Variants in OTUB2 observed in about 807,000 individuals in gnomAD.
OTUB2 encodes OTU deubiquitinase, ubiquitin aldehyde binding 2, also known as ubiquitin thioesterase OTUB2.
Under a neutral mutation model 25.1 loss-of-function variants are expected in OTUB2, and 21 were observed. That is an observed-to-expected ratio of 0.84 (90% CI 0.59 to 1.21). OTUB2 has a LOEUF of 1.21. Among genes scored for constraint, OTUB2 ranks in the 50% most tolerant of loss-of-function variants. OTUB2 has a pLI of 0.00. For synonymous variants in OTUB2, 122 were observed against 122.8 expected, an observed-to-expected ratio of 0.99 and a Z score of 0.04; for missense variants, 283 against 298.0, an observed-to-expected ratio of 0.95 and a Z score of 0.37.
chr14:94,044,163 C>A, intron 4 of OTUB2, 108 bp downstream of exon 4: 1 of 1,138,370 alleles, frequency 8.8e-7, no homozygotes, highest in African/African-American at 1.5e-5. Flanking sequence ...TGGGGAAGGA[C>A]AGAGGGTTCC....
In OTUB2 at chr14:94,045,707, C is replaced by A; in HGVS notation, c.499-9C>A. On this transcript the variant is annotated splice_polypyrimidine_tract_variant and intron_variant, in intron 5 of 5. Transcript: ENST00000203664. ...CTAAGCTGGCTTGTTTTCATTTTGG[C>A]CCCTGCAGGAAGTAGAGCCCATGGC... The A allele has an allele frequency of 6.2e-7, 1 of 1,613,140 alleles. No homozygotes were observed. The highest frequency in any genetic ancestry group is 8.5e-7 in the Non-Finnish European group (1 of 1,179,408).
intron 1 of OTUB2, among the ~76,000 whole-genome samples, chr14:94,027,245 T>C (rs1884883549): frequency 6.6e-6 from 1 of 152,206 alleles, no homozygotes. Flanking sequence ...AGGGCAGGGC[T>C]GGTACTGATT....
intron 2 of OTUB2, among the ~76,000 whole-genome samples, chr14:94,038,308 C>A (rs141919806): frequency 7.2e-5 from 11 of 152,232 alleles, no homozygotes; most frequent in Admixed American, 6.5e-4. Flanking sequence ...CCCCAGAGCC[C>A]TCCTGGGAGA....
intron 1 of OTUB2, among the ~76,000 whole-genome samples, chr14:94,028,666 C>G (rs1040628410): frequency 6.6e-6 from 1 of 152,216 alleles, no homozygotes; most frequent in African/African-American, 2.4e-5. Flanking sequence ...CTGTGCTGGG[C>G]ACTGTGACAC....
intron 1 of OTUB2, among the ~76,000 whole-genome samples, chr14:94,034,175 G>C (rs1234776273): frequency 6.6e-6 from 1 of 152,222 alleles, no homozygotes; most frequent in Non-Finnish European, 1.5e-5. Context: ...TTTCCTTCCA[G>C]ATATCACTGA....
intron 1 of OTUB2, 147 bp downstream of exon 1, chr14:94,026,687 A>C: frequency 1.2e-6 from 1 of 857,420 alleles, no homozygotes; most frequent in Non-Finnish European, 1.5e-6. Flanking sequence ...ACCCCCTGAA[A>C]TACGGAGTCC....
chr14:94,041,879 A>AT (rs1885167900), intron 3 of OTUB2, among the ~76,000 whole-genome samples: 1 of 152,212 alleles, frequency 6.6e-6, no homozygotes, highest in Non-Finnish European at 1.5e-5. Context: ...AACAGTGGCC[A>AT]TAGCCCTGTC....
In OTUB2 at chr14:94,046,370, C is replaced by A. The variant is rs1210331181; in HGVS notation, c.*448C>A. The A allele has an allele frequency of 9.9e-6, 2 of 202,512 alleles. No homozygotes were observed. The highest frequency in any genetic ancestry group is 2.3e-5 in the African/African-American group (1 of 43,978). The allele number at this position is 202,512 out of a possible 1,614,324, so 12.5% of individuals were successfully genotyped here. A position where few individuals can be genotyped will look rare whatever the true frequency, so the allele number is the denominator to read the frequency against. ...TGACTTACCAGGCCTACAAAAGAGT[C>A]CAGTCCAGTCACTTGTTGGACTGGG... On this transcript the variant is annotated 3_prime_UTR_variant, in exon 6 of 6. Transcript: ENST00000203664.
In OTUB2 at chr14:94,048,354, C is replaced by A. The variant is rs1416168788; in HGVS notation, c.*2432C>A. 1.3e-5 allele frequency: 2 copies of A among 152,192 alleles called. No individual in the cohort carries two copies. Among genetic ancestry groups the A allele is most frequent in the Non-Finnish European group, 2.9e-5 (2 of 68,038 alleles). 9.4% of individuals were successfully genotyped at this position (152,192 alleles called of 1,614,324 possible). ...AAGGAAACTTTTAAATCAATGGGAA[C>A]AATTAGCAACAGAAAGAGCACAGTC... is the stretch of plus-strand genomic sequence containing the variant. On this transcript the variant is annotated 3_prime_UTR_variant, in exon 6 of 6. Coordinates refer to ENST00000203664, the MANE Select transcript of OTUB2 (RefSeq NM_023112.4).
In OTUB2 at chr14:94,044,704, C is replaced by T. The variant is rs1885233196; in HGVS notation, c.422C>T (p.Ala141Val). The T allele has an allele frequency of 1.2e-6, 2 of 1,613,982 alleles. No homozygotes were observed. The highest frequency in any genetic ancestry group is 8.5e-7 in the Non-Finnish European group (1 of 1,180,034). The stretch of plus-strand genomic sequence containing the variant: ...CAGTTCCTGCGCCTGCTCACGTCGG[C>T]CTTCATCAGGAACCGAGCAGACTTC... Reference protein sequence around the residue: ...IVQFLRLLTSAFIRNRADFFR... With the variant: ...IVQFLRLLTSVFIRNRADFFR... Residue 141 changes from alanine (A) to valine (V), a missense_variant, in exon 5 of 6, where the codon GCC (alanine) becomes GTC (valine). Ala to Val is a moderately conservative substitution (Grantham distance 64). Coordinates refer to ENST00000203664, the MANE Select transcript of OTUB2 (RefSeq NM_023112.4).
chr14:94,036,344 C>T (rs1885054348), intron 1 of OTUB2, among the ~76,000 whole-genome samples: 1 of 152,202 alleles, frequency 6.6e-6, no homozygotes, highest in African/African-American at 2.4e-5. Context: ...CCACAGTGCT[C>T]TATTGCATAA....
intron 5 of OTUB2, among the ~76,000 whole-genome samples, chr14:94,045,486 A>G (rs1001303506): frequency 6.6e-6 from 1 of 152,238 alleles, no homozygotes; most frequent in Non-Finnish European, 1.5e-5. Context: ...TAGAATGGAA[A>G]AGATTCAGGT....
intron 3 of OTUB2, among the ~76,000 whole-genome samples, 187 bp from the exon 4 acceptor site, chr14:94,043,784 C>T (rs913571601): frequency 6.6e-6 from 1 of 152,132 alleles, no homozygotes; most frequent in Admixed American, 6.5e-5. Context: ...CACCAGGGCC[C>T]GGCAGGGCCA....
intron 2 of OTUB2, among the ~76,000 whole-genome samples, chr14:94,037,683 G>A (rs1023815850): frequency 8.6e-4 from 129 of 150,148 alleles, no homozygotes; most frequent in Non-Finnish European, 1.2e-3. Context: ...TTGTTGAAAA[G>A]TTTAGCACTA....
chr14:94,039,942 G>A (rs759658507), intron 3 of OTUB2, among the ~76,000 whole-genome samples: 4 of 152,078 alleles, frequency 2.6e-5, no homozygotes, highest in East Asian at 1.9e-4. Flanking sequence ...TCTCAACGGC[G>A]GCATGACTGA....
chr14:94,026,593 C>A, intron 1 of OTUB2, 53 bp downstream of exon 1: 1 of 408,506 alleles, frequency 2.4e-6, no homozygotes, highest in Non-Finnish European at 3.5e-6. Flanking sequence ...GCGCGGTGGG[C>A]GGGGTCGCTG....
intron 1 of OTUB2, among the ~76,000 whole-genome samples, chr14:94,029,489 T>C (rs1884919922): frequency 6.6e-6 from 1 of 152,194 alleles, no homozygotes; most frequent in South Asian, 2.1e-4. Flanking sequence ...ACTTTGATCT[T>C]CACGTGGTGT....
At chr14:94,037,907 T>G (rs1265412436) in intron 2 of OTUB2, among the ~76,000 whole-genome samples, 1 of 152,172 alleles carries the variant, frequency 6.6e-6, no homozygotes, top group Non-Finnish European at 1.5e-5. Context: ...GAGGGAAAGT[T>G]TACGCCAGTG....
Position 94,038,941 on chromosome 14 carries a change from C to T in OTUB2, c.100-22C>T, listed in dbSNP as rs759347747. 2.5e-6 allele frequency: 4 copies of T among 1,608,598 alleles called. No homozygotes were observed. The African/African-American group carries it at 5.3e-5, about 21-fold the overall frequency. On this transcript the variant is annotated intron_variant, in intron 2 of 5. Coordinates refer to ENST00000203664, the MANE Select transcript of OTUB2 (RefSeq NM_023112.4). ...GAGCCGTTGTTGGTGCAAATGCCCA[C>T]ATTTCTTTCTGTCCCCCTCAGGAAC...
Sources: allele counts gnomAD v4.1 joint callset (sites outside exome capture counted in the v4.1 genomes callset), GRCh38; gene constraint gnomAD v4.1.1; transcripts MANE v1.5; gene names NCBI Gene and HGNC (gene_info 2026-07-23, HGNC 2026-07-21).